NCOA2: variants seen among roughly 807,000 people sequenced by gnomAD.
The protein encoded by NCOA2 is class E basic helix-loop-helix protein 75.
NCOA2 carries 21 observed loss-of-function variants against 145.1 expected under a neutral mutation model. The observed-to-expected ratio is 0.14, with a 90% CI of 0.10 to 0.21. NCOA2 has a LOEUF of 0.21. Ranked by LOEUF, NCOA2 falls within the 10% of genes least tolerant of loss-of-function variation. The pLI, the probability that NCOA2 is intolerant of heterozygous loss-of-function variation, is 1.00. For missense variants in NCOA2, 1,472 were observed against 1,837.6 expected (o/e 0.80, Z 3.64); for synonymous variants, 619 against 637.5 (o/e 0.97, Z 0.44).
intron 9 of NCOA2, among the ~76,000 whole-genome samples, 180 bp from the exon 10 acceptor site, chr8:70,159,832 A>T (rs572042170): frequency 6.6e-5 from 10 of 152,230 alleles, no homozygotes; most frequent in Non-Finnish European, 1.3e-4. Flanking sequence ...AAGCACATTT[A>T]CTTTTCACTG....
chr8:70,165,486 G>A (rs1203213257), intron 7 of NCOA2, among the ~76,000 whole-genome samples: 1 of 152,174 alleles, frequency 6.6e-6, no homozygotes, highest in African/African-American at 2.4e-5. Flanking sequence ...TGTAGCCGGG[G>A]ATGTTTTCAG....
At chr8:70,220,433 C>A (rs1210052680) in intron 2 of NCOA2, among the ~76,000 whole-genome samples, 2 of 152,186 alleles carry the variant, frequency 1.3e-5, no homozygotes, top group Non-Finnish European at 2.9e-5. Flanking sequence ...TTCAAATCAT[C>A]CATTCTTGTT....
At position 70,198,960 on chromosome 8, in the gene NCOA2, G is replaced by A. The variant is rs114528446; in HGVS notation, c.259+14943C>T. On this transcript the variant is annotated intron_variant, in intron 4 of 22. Transcript: ENST00000452400. ...ATGAAACTGTAAGACGGGGGCTGTGGGGAGGGACTCACCGAGTATCTGTGC... is the reference window on the plus strand; with the variant it reads ...ATGAAACTGTAAGACGGGGGCTGTGAGGAGGGACTCACCGAGTATCTGTGC... 2.0e-5 allele frequency among the ~76,000 whole-genome samples: 3 copies of A among 152,284 alleles called. No homozygotes were observed. The South Asian group carries it at 6.2e-4, about 32-fold the overall frequency.
At chr8:70,362,236 G>T (rs1405064697) in intron 1 of NCOA2, among the ~76,000 whole-genome samples, 3 of 151,904 alleles carry the variant, frequency 2.0e-5, no homozygotes, top group Admixed American at 6.6e-5. Context: ...GGGAAAACAA[G>T]AAAAAAGGAT....
intron 4 of NCOA2, among the ~76,000 whole-genome samples, chr8:70,182,150 T>TCTTTTCAAC (rs1815554436): frequency 6.6e-6 from 1 of 152,232 alleles, no homozygotes. Flanking sequence ...TAATGCACTA[T>TCTTTTCAAC]ATATCATCAA....
intron 4 of NCOA2, among the ~76,000 whole-genome samples, chr8:70,178,585 G>A (rs1815123514): frequency 6.6e-6 from 1 of 152,318 alleles, no homozygotes; most frequent in East Asian, 1.9e-4. Flanking sequence ...CTGTGCAGGG[G>A]AAGCAAAGTG....
intron 1 of NCOA2, among the ~76,000 whole-genome samples, chr8:70,386,612 T>TA (rs902323459): frequency 6.6e-6 from 1 of 152,188 alleles, no homozygotes; most frequent in African/African-American, 2.4e-5. Context: ...TTTTCTTTAT[T>TA]AAAAAAGATA....
chr8:70,386,970 G>T (rs893547904), intron 1 of NCOA2, among the ~76,000 whole-genome samples: 1 of 152,088 alleles, frequency 6.6e-6, no homozygotes, highest in Non-Finnish European at 1.5e-5. Flanking sequence ...GAGTGCAGTG[G>T]CATGATCATG....
intron 2 of NCOA2, among the ~76,000 whole-genome samples, chr8:70,231,031 A>C (rs1481485699): frequency 2.6e-5 from 4 of 151,964 alleles, no homozygotes; most frequent in Middle Eastern, 3.2e-3. Flanking sequence ...AATATCTTAA[A>C]TATGTCTTGA....
In NCOA2 at chr8:70,153,235, C is replaced by G. The variant is rs116370206; in HGVS notation, c.2394+2736G>C. Among the ~76,000 whole-genome samples the G allele has an allele frequency of 7.3e-3, 1,108 of 152,260 alleles. 15 individuals carry two copies. The highest frequency in any genetic ancestry group is 0.026 in the African/African-American group (1,061 of 41,558). On this transcript the variant is annotated intron_variant, in intron 11 of 22. Coordinates refer to ENST00000452400, the MANE Select transcript of NCOA2 (RefSeq NM_006540.4). ...AAAAATATACTTACTATATGTGCCT[C>G]TGTGTGTGTGCACATGCATGTGTGC...
At chr8:70,384,843 A>G (rs994775858) in intron 1 of NCOA2, among the ~76,000 whole-genome samples, 1 of 152,202 alleles carries the variant, frequency 6.6e-6, no homozygotes, top group African/African-American at 2.4e-5. Flanking sequence ...GCCAAATGAT[A>G]CATCAGATCA....
At chr8:70,148,627 T>G in intron 11 of NCOA2, 144 bp from the exon 12 acceptor site, 1 of 666,390 alleles carries the variant, frequency 1.5e-6, no homozygotes, top group Non-Finnish European at 2.5e-6. Flanking sequence ...GCCTAACAGA[T>G]AATTGATCAT....
chr8:70,143,301 G>A (rs1183912886), intron 13 of NCOA2, among the ~76,000 whole-genome samples: 5 of 152,112 alleles, frequency 3.3e-5, no homozygotes, highest in African/African-American at 1.2e-4. Flanking sequence ...TCACAGGCTG[G>A]ACACCAGTGC....
chr8:70,339,922 C>T (rs878915036), intron 1 of NCOA2, among the ~76,000 whole-genome samples: 1 of 152,124 alleles, frequency 6.6e-6, no homozygotes, highest in Non-Finnish European at 1.5e-5. Context: ...TTCCTTACAC[C>T]TTATACAAAA....
chr8:70,281,860 C>T (rs780645905), intron 2 of NCOA2, among the ~76,000 whole-genome samples: 20 of 152,180 alleles, frequency 1.3e-4, no homozygotes, highest in Non-Finnish European at 5.9e-5. Flanking sequence ...AGATAAGTTA[C>T]GTTACCCCAC....
intron 2 of NCOA2, among the ~76,000 whole-genome samples, chr8:70,225,288 C>T (rs1436262550): frequency 2.0e-5 from 3 of 152,108 alleles, no homozygotes; most frequent in Admixed American, 6.6e-5. Context: ...CAGTGGCTCA[C>T]GCCTGTAATC....
At chr8:70,415,235 G>A in the NCOA2 span, among the ~76,000 whole-genome samples, 1 of 151,990 alleles carries the variant, frequency 6.6e-6, no homozygotes, top group East Asian at 1.9e-4. Context: ...AGGCTGAGGT[G>A]TGAGGATCGC....
Position 70,141,405 on chromosome 8 carries a change from T to C in NCOA2, c.2813-6A>G, listed in dbSNP as rs1227542882. The C allele has an allele frequency of 1.2e-6, 2 of 1,612,880 alleles. No individual in the cohort carries two copies. The highest frequency in any genetic ancestry group is 1.7e-5 in the Admixed American group (1 of 59,906). ...AGCACTGTTACCAATCATTCCTGCA[T>C]GCAAGCCAAAGAAAACTGAGAGATG... On this transcript the variant is annotated splice_region_variant and splice_polypyrimidine_tract_variant and intron_variant, in intron 13 of 22. Transcript: ENST00000452400.
At chr8:70,122,110 T>C (rs1807885128) in intron 21 of NCOA2, among the ~76,000 whole-genome samples, 1 of 152,212 alleles carries the variant, frequency 6.6e-6, no homozygotes. Flanking sequence ...TACACTAGAC[T>C]ATCTCAGTAG....
Sources: allele counts gnomAD v4.1 joint callset (sites outside exome capture counted in the v4.1 genomes callset), GRCh38; gene constraint gnomAD v4.1.1; transcripts MANE v1.5; gene names NCBI Gene and HGNC (gene_info 2026-07-23, HGNC 2026-07-21).